MCTP1: variants seen among roughly 807,000 people sequenced by gnomAD.
MCTP1 encodes the protein multiple C2 and transmembrane domain-containing protein 1.
MCTP1 carries 69 observed loss-of-function variants against 120.6 expected under a neutral mutation model. That is an observed-to-expected ratio of 0.57 (90% CI 0.47 to 0.70). MCTP1 has a LOEUF of 0.70. Ranked by LOEUF, MCTP1 falls within the 30% of genes least tolerant of loss-of-function variation. The probability of loss-of-function intolerance (pLI) is 0.00; values close to 1 mark genes in which losing one functional copy is unlikely to be tolerated. For synonymous variants in MCTP1, 529 were observed against 493.1 expected, an observed-to-expected ratio of 1.07 and a Z score of -0.96; for missense variants, 1,203 against 1,248.8, an observed-to-expected ratio of 0.96 and a Z score of 0.55.
At chr5:94,982,074 TAA>T (rs2153598440) in intron 2 of MCTP1, among the ~76,000 whole-genome samples, 1 of 152,318 alleles carries the variant, frequency 6.6e-6, no homozygotes, top group East Asian at 1.9e-4. Context: ...ATTGTTTTCT[TAA>T]GTTACTCAAA....
intron 2 of MCTP1, among the ~76,000 whole-genome samples, chr5:94,984,087 G>C (rs1360918450): frequency 6.6e-6 from 1 of 152,146 alleles, no homozygotes; most frequent in Non-Finnish European, 1.5e-5. Flanking sequence ...TCTAGATCTA[G>C]AGCAAAAATG....
At chr5:94,933,582 T>G (rs1815352238) in intron 5 of MCTP1, among the ~76,000 whole-genome samples, 1 of 151,844 alleles carries the variant, frequency 6.6e-6, no homozygotes, top group Non-Finnish European at 1.5e-5. Flanking sequence ...TTGAGTCAAA[T>G]CAATCAAGAA....
At chr5:95,004,876 T>A (rs1333951280) in intron 2 of MCTP1, among the ~76,000 whole-genome samples, 1 of 152,120 alleles carries the variant, frequency 6.6e-6, no homozygotes, top group Non-Finnish European at 1.5e-5. Flanking sequence ...AGAGTCCCCA[T>A]TGGGGCACTG....
intron 17 of MCTP1, among the ~76,000 whole-genome samples, chr5:94,817,719 G>A (rs540471144): frequency 1.5e-4 from 23 of 152,292 alleles, no homozygotes; most frequent in Admixed American, 7.2e-4. Flanking sequence ...ACCAAAGATC[G>A]TGGATCGATT....
chr5:95,202,503 T>A (rs1421999475), intron 1 of MCTP1, among the ~76,000 whole-genome samples: 1 of 152,208 alleles, frequency 6.6e-6, no homozygotes, highest in Non-Finnish European at 1.5e-5. Flanking sequence ...TATTGATCTG[T>A]CTCCTATTGG....
intron 2 of MCTP1, among the ~76,000 whole-genome samples, chr5:94,970,850 C>CTT (rs34523281): frequency 0.015 from 2,250 of 147,096 alleles, 60 homozygotes; most frequent in African/African-American, 0.052. Flanking sequence ...CTCTTCAATC[C>CTT]TTTTTTTTTT....
At chr5:95,232,158 T>TA (rs35731165) in intron 1 of MCTP1, among the ~76,000 whole-genome samples, 11,233 of 66,846 alleles carry the variant, frequency 0.17, 832 homozygotes, top group Non-Finnish European at 0.21. Flanking sequence ...AAGTGATCAC[T>TA]AAAAAAAAAA....
chr5:95,060,373 G>T (rs1270958315), intron 1 of MCTP1, among the ~76,000 whole-genome samples: 4 of 152,190 alleles, frequency 2.6e-5, no homozygotes, highest in Non-Finnish European at 5.9e-5. Context: ...AAATCAGTGG[G>T]TTAAACAGGA....
Position 94,810,683 on chromosome 5 carries a change from C to T in MCTP1, c.2437-11551G>A, listed in dbSNP as rs79236663. ...TTCCTTTTTTATAGTAGCTGATGTG[C>T]AGAGTGTTGCATTCTGCCAAGTTCT... On this transcript the variant is annotated intron_variant, in intron 17 of 22. Coordinates refer to ENST00000515393, the MANE Select transcript of MCTP1 (RefSeq NM_024717.7). Among the ~76,000 whole-genome samples the T allele has an allele frequency of 6.4e-3, 968 of 152,278 alleles. 11 individuals carry two copies. Among genetic ancestry groups the T allele is most frequent in the African/African-American group, 0.022 (925 of 41,550 alleles).
intron 18 of MCTP1, among the ~76,000 whole-genome samples, chr5:94,790,300 C>G (rs141774396): frequency 6.6e-6 from 1 of 152,134 alleles, no homozygotes; most frequent in Non-Finnish European, 1.5e-5. Flanking sequence ...CAATGGGAGG[C>G]CCAGGGAAGG....
chr5:95,055,774 T>C (rs1010955877), intron 1 of MCTP1, among the ~76,000 whole-genome samples: 1 of 152,234 alleles, frequency 6.6e-6, no homozygotes, highest in African/African-American at 2.4e-5. Flanking sequence ...TAGGCCTCAG[T>C]TTCCTCACCT....
intron 7 of MCTP1, among the ~76,000 whole-genome samples, chr5:94,922,553 A>G (rs1811948789): frequency 6.6e-6 from 1 of 151,856 alleles, no homozygotes; most frequent in Non-Finnish European, 1.5e-5. Flanking sequence ...CAATGGCGCA[A>G]TCGCAGCCCA....
At chr5:95,266,595 T>C (rs1157309439) in intron 1 of MCTP1, among the ~76,000 whole-genome samples, 1 of 152,208 alleles carries the variant, frequency 6.6e-6, no homozygotes, top group Non-Finnish European at 1.5e-5. Flanking sequence ...TAATAGCAGA[T>C]AAAAGAATAC....
chr5:95,228,196 G>A (rs921272977), intron 1 of MCTP1, among the ~76,000 whole-genome samples: 3 of 152,042 alleles, frequency 2.0e-5, no homozygotes, highest in Non-Finnish European at 4.4e-5. Context: ...TTGAAGAAAT[G>A]GCACATCCAA....
intron 1 of MCTP1, among the ~76,000 whole-genome samples, chr5:95,274,028 G>A (rs1582712087): frequency 6.6e-6 from 1 of 151,906 alleles, no homozygotes; most frequent in African/African-American, 2.4e-5. Flanking sequence ...CATCAGCTTC[G>A]CCCTCCTAAG....
At chr5:95,255,943 G>A (rs1280409045) in intron 1 of MCTP1, among the ~76,000 whole-genome samples, 1 of 152,122 alleles carries the variant, frequency 6.6e-6, no homozygotes, top group African/African-American at 2.4e-5. Flanking sequence ...CACAACGGAA[G>A]TGTTCGTCTG....
At chr5:95,280,991 T>G (rs1044950234) in intron 1 of MCTP1, among the ~76,000 whole-genome samples, 5 of 152,220 alleles carry the variant, frequency 3.3e-5, no homozygotes, top group Non-Finnish European at 5.9e-5. Flanking sequence ...TTGGAGAACA[T>G]GGCTTATGCC....
chr5:94,751,031 A>G (rs560494827), intron 19 of MCTP1, among the ~76,000 whole-genome samples: 2 of 152,290 alleles, frequency 1.3e-5, no homozygotes, highest in African/African-American at 4.8e-5. Context: ...AACTGACCCA[A>G]CAGTCCCCAT....
chr5:95,215,785 A>G (rs572153868), intron 1 of MCTP1, among the ~76,000 whole-genome samples: 2 of 152,290 alleles, frequency 1.3e-5, no homozygotes, highest in East Asian at 3.9e-4. Flanking sequence ...TGAGCCAGCA[A>G]CCACCTACCT....
Sources: allele counts gnomAD v4.1 joint callset (sites outside exome capture counted in the v4.1 genomes callset), GRCh38; gene constraint gnomAD v4.1.1; transcripts MANE v1.5; gene names NCBI Gene and HGNC (gene_info 2026-07-23, HGNC 2026-07-21).